The following ERG variants were observed in gnomAD, a reference collection of about 807,000 sequenced individuals.
The protein encoded by ERG is ETS transcription factor ERG.
Under a neutral mutation model 55.3 loss-of-function variants are expected in ERG, and 9 were observed. The observed-to-expected ratio is 0.16, with a 90% CI of 0.10 to 0.28. The LOEUF (loss-of-function observed/expected upper bound fraction) is 0.28, where lower values mean the gene tolerates loss of function less well. ERG is among the 10% of genes least tolerant of loss of function. The pLI is 1.00. For missense variants in ERG, 434 were observed against 631.6 expected (o/e 0.69, Z 3.35); for synonymous variants, 223 against 237.3 (o/e 0.94, Z 0.55).
intron 6 of ERG, among the ~76,000 whole-genome samples, chr21:38,398,085 C>A (rs931311664): frequency 6.6e-6 from 1 of 152,178 alleles, no homozygotes; most frequent in Admixed American, 6.5e-5. Flanking sequence ...TCAACAATCA[C>A]CTTTCTGAAA....
chr21:38,614,800 C>T (rs2060249262), intron 1 of ERG, among the ~76,000 whole-genome samples: 1 of 152,230 alleles, frequency 6.6e-6, no homozygotes. Flanking sequence ...AGCGTGGCCT[C>T]AGCAGGGAGT....
At chr21:38,504,999 TTGA>T (rs2059449471) in intron 2 of ERG, among the ~76,000 whole-genome samples, 1 of 152,204 alleles carries the variant, frequency 6.6e-6, no homozygotes, top group South Asian at 2.1e-4. Context: ...TTGATAGAAA[TTGA>T]TGTAGAAGCC....
upstream of ERG, among the ~76,000 whole-genome samples, chr21:38,499,931 G>A (rs1250424482): frequency 2.0e-5 from 3 of 152,170 alleles, no homozygotes; most frequent in South Asian, 4.1e-4. Flanking sequence ...AAATCATTCT[G>A]TGGAAATCAG....
chr21:38,558,661 T>C (rs913712404), intron 2 of ERG, among the ~76,000 whole-genome samples: 1 of 152,242 alleles, frequency 6.6e-6, no homozygotes, highest in Non-Finnish European at 1.5e-5. Context: ...TGGGAATTAC[T>C]TTCTTTCCTA....
intron 1 of ERG, among the ~76,000 whole-genome samples, chr21:38,621,963 C>T (rs755501740): frequency 1.3e-5 from 2 of 152,216 alleles, no homozygotes; most frequent in Admixed American, 6.5e-5. Flanking sequence ...GAGGCTCTCT[C>T]GGATCTCCAG....
chr21:38,555,216 A>G (rs1047184717), intron 2 of ERG, among the ~76,000 whole-genome samples: 3 of 151,770 alleles, frequency 2.0e-5, no homozygotes, highest in African/African-American at 7.3e-5. Context: ...AATCCCAGCT[A>G]CTCAGGAGGC....
intron 2 of ERG, among the ~76,000 whole-genome samples, chr21:38,509,440 A>G (rs1167552963): frequency 6.6e-6 from 1 of 152,196 alleles, no homozygotes; most frequent in Admixed American, 6.5e-5. Context: ...CAAAATTACA[A>G]CAGTATTTTG....
chr21:38,641,980 G>A (rs2060427937), intron 1 of ERG, among the ~76,000 whole-genome samples: 2 of 152,178 alleles, frequency 1.3e-5, no homozygotes, highest in African/African-American at 2.4e-5. Flanking sequence ...TCAAGATTGG[G>A]AATTCCTGGT....
At chr21:38,442,863 A>G (rs1015502535) in intron 2 of ERG, among the ~76,000 whole-genome samples, 2 of 152,086 alleles carry the variant, frequency 1.3e-5, no homozygotes, top group African/African-American at 2.4e-5. Flanking sequence ...GCTGGAGTGC[A>G]GTGGCGCGAT....
At chr21:38,392,983 T>C (rs896143716) in intron 6 of ERG, among the ~76,000 whole-genome samples, 1 of 152,238 alleles carries the variant, frequency 6.6e-6, no homozygotes, top group Non-Finnish European at 1.5e-5. Flanking sequence ...TTTCCCTTTA[T>C]AATCTCATCA....
At chr21:38,468,723 C>T (rs951129802) in intron 1 of ERG, among the ~76,000 whole-genome samples, 2 of 152,106 alleles carry the variant, frequency 1.3e-5, no homozygotes, top group Non-Finnish European at 2.9e-5. Context: ...CGGTGGCTCA[C>T]GCCTGTAATC....
chr21:38,526,086 C>T (rs7283796), intron 2 of ERG, among the ~76,000 whole-genome samples: 21,409 of 152,098 alleles, frequency 0.14, 1,629 homozygotes, highest in African/African-American at 0.19. Flanking sequence ...AATGTGATGG[C>T]GTGGTCTGTT....
At chr21:38,497,428 T>C (rs550133437) in intron 1 of ERG, among the ~76,000 whole-genome samples, 1 of 152,316 alleles carries the variant, frequency 6.6e-6, no homozygotes, top group East Asian at 1.9e-4. Context: ...TCTGCTTTTG[T>C]TGCTGATTTT....
At chr21:38,637,967 G>A (rs2146966381) in intron 1 of ERG, among the ~76,000 whole-genome samples, 1 of 152,322 alleles carries the variant, frequency 6.6e-6, no homozygotes, top group South Asian at 2.1e-4. Context: ...GTGGATTGAA[G>A]AGCAAGAGAG....
chr21:38,477,233 C>T (rs1329769896), intron 1 of ERG, among the ~76,000 whole-genome samples: 3 of 152,008 alleles, frequency 2.0e-5, no homozygotes, highest in Non-Finnish European at 4.4e-5. Context: ...AGGTTGGTCT[C>T]GCTCAAGCGA....
chr21:38,434,835 A>C (rs551815689), intron 2 of ERG, among the ~76,000 whole-genome samples: 1 of 152,340 alleles, frequency 6.6e-6, no homozygotes, highest in South Asian at 2.1e-4. Flanking sequence ...ATGGCTGTGC[A>C]TGCGTGTATG....
At chr21:38,521,374 T>A (rs1454100193) in intron 2 of ERG, among the ~76,000 whole-genome samples, 1 of 152,126 alleles carries the variant, frequency 6.6e-6, no homozygotes, top group South Asian at 2.1e-4. Context: ...TTGCCCACAG[T>A]CACAGCAAGC....
chr21:38,471,348 G>A (rs574277329), intron 1 of ERG: 1 of 98,424 alleles, frequency 1.0e-5, no homozygotes, highest in African/African-American at 3.8e-5. Context: ...GAGAGGGAGG[G>A]GCACCTTCAA....
chr21:38,632,076 G>C (rs528118210), intron 1 of ERG, among the ~76,000 whole-genome samples: 2 of 152,146 alleles, frequency 1.3e-5, no homozygotes, highest in South Asian at 4.2e-4. Flanking sequence ...CCTAAGAAGG[G>C]TATAACATAG....
Sources: allele counts gnomAD v4.1 joint callset (sites outside exome capture counted in the v4.1 genomes callset), GRCh38; gene constraint gnomAD v4.1.1; transcripts MANE v1.5; gene names NCBI Gene and HGNC (gene_info 2026-07-23, HGNC 2026-07-21).